Variants in ZNF521 observed in about 807,000 individuals in gnomAD.
ZNF521 encodes LYST-interacting protein 3.
In ZNF521, 14 loss-of-function variants were observed where a neutral mutation model predicts 105.5. The ratio of observed to expected loss-of-function variants is 0.13; its 90% CI spans 0.09 to 0.21. The LOEUF (loss-of-function observed/expected upper bound fraction) is 0.21. Ranked by LOEUF, ZNF521 falls within the 10% of genes least tolerant of loss-of-function variation. The pLI is 1.00. For missense variants in ZNF521, 1,233 were observed against 1,629.7 expected, an observed-to-expected ratio of 0.76 and a Z score of 4.19; for synonymous variants, 635 against 606.0, an observed-to-expected ratio of 1.05 and a Z score of -0.70.
intron 2 of ZNF521, among the ~76,000 whole-genome samples, chr18:25,338,259 T>TGGTGTGTGTGTGTGTGTGTG: frequency 7.3e-6 from 1 of 136,596 alleles, no homozygotes; most frequent in Admixed American, 7.6e-5. Context: ...TCATAGACTT[T>TGGTGTGTGTGTGTGTGTGTG]TGTGTGTGTG....
At chr18:25,232,443 T>C (rs918738265) in intron 3 of ZNF521, among the ~76,000 whole-genome samples, 5 of 152,236 alleles carry the variant, frequency 3.3e-5, no homozygotes, top group Non-Finnish European at 5.9e-5. Flanking sequence ...AGCATAAACA[T>C]ATTTTAATAT....
chr18:25,336,334 TTTTAA>T (rs1392161024), intron 2 of ZNF521, among the ~76,000 whole-genome samples: 2 of 152,158 alleles, frequency 1.3e-5, no homozygotes, highest in Non-Finnish European at 2.9e-5. Flanking sequence ...AGATTTATCT[TTTTAA>T]TTTAAGGATT....
At chr18:25,090,123 G>A (rs1468701819) in intron 6 of ZNF521, among the ~76,000 whole-genome samples, 1 of 152,108 alleles carries the variant, frequency 6.6e-6, no homozygotes. Flanking sequence ...CTGAATGCAA[G>A]GGTTTCAATA....
intron 3 of ZNF521, among the ~76,000 whole-genome samples, chr18:25,247,200 A>T (rs113193480): frequency 1.1e-4 from 16 of 152,344 alleles, no homozygotes; most frequent in African/African-American, 3.8e-4. Context: ...AGAGGCACAC[A>T]TGTAAACATA....
intron 5 of ZNF521, among the ~76,000 whole-genome samples, chr18:25,092,814 C>T (rs1295744139): frequency 6.6e-6 from 1 of 152,096 alleles, no homozygotes; most frequent in East Asian, 1.9e-4. Context: ...ATTTTGATGT[C>T]ATAACATTGC....
chr18:25,130,864 G>C (rs780951302), intron 5 of ZNF521, among the ~76,000 whole-genome samples: 3 of 151,948 alleles, frequency 2.0e-5, no homozygotes, highest in Non-Finnish European at 4.4e-5. Context: ...GATCACTGGA[G>C]CCCAGCAGTT....
chr18:25,212,527 AAAAAAAAAAAAATATATATATAT>A (rs1425252679), intron 4 of ZNF521, among the ~76,000 whole-genome samples: 57 of 117,436 alleles, frequency 4.9e-4, no homozygotes, highest in African/African-American at 2.0e-3. Flanking sequence ...AAAAAAAAAA[AAAAAAAAAAAAATATATATATAT>A]ATATATATAT....
At chr18:25,329,844 C>A (rs1913454716) in intron 2 of ZNF521, among the ~76,000 whole-genome samples, 1 of 152,062 alleles carries the variant, frequency 6.6e-6, no homozygotes, top group Admixed American at 6.5e-5. Flanking sequence ...AGCAAAGAGA[C>A]CAATCCAGAG....
At chr18:25,325,048 C>T (rs933412528) in intron 2 of ZNF521, among the ~76,000 whole-genome samples, 2 of 152,170 alleles carry the variant, frequency 1.3e-5, no homozygotes, top group Non-Finnish European at 2.9e-5. Context: ...AGCCAACTGG[C>T]GAATTTGTTT....
intron 3 of ZNF521, among the ~76,000 whole-genome samples, chr18:25,242,288 G>C (rs931211719): frequency 1.4e-4 from 21 of 152,122 alleles, no homozygotes; most frequent in Non-Finnish European, 2.8e-4. Context: ...CTTTCAACAT[G>C]ATTTTTCTGA....
intron 5 of ZNF521, among the ~76,000 whole-genome samples, chr18:25,161,385 G>A (rs1002603671): frequency 6.6e-6 from 1 of 152,096 alleles, no homozygotes; most frequent in African/African-American, 2.4e-5. Flanking sequence ...GCTGCTGTGG[G>A]GGTCCAGAAA....
chr18:25,323,961 G>A (rs1001307448), intron 2 of ZNF521, among the ~76,000 whole-genome samples: 2 of 151,386 alleles, frequency 1.3e-5, no homozygotes, highest in African/African-American at 2.4e-5. Context: ...CAAAGAGCAC[G>A]TAGTTTTGTT....
At chr18:25,334,084 C>CA (rs1161927673) in intron 2 of ZNF521, among the ~76,000 whole-genome samples, 3 of 152,208 alleles carry the variant, frequency 2.0e-5, no homozygotes, top group Admixed American at 1.3e-4. Context: ...CCCTTGCCAC[C>CA]ACCACTAAAA....
At chr18:25,311,929 A>C (rs565078674) in intron 3 of ZNF521, among the ~76,000 whole-genome samples, 2 of 152,336 alleles carry the variant, frequency 1.3e-5, no homozygotes, top group East Asian at 3.9e-4. Flanking sequence ...GTGATTTATG[A>C]ATACAGTTAA....
rs543969497 is a variant in ZNF521, at chr18:25,170,120, CT to C, written c.3658+25039del. 2.7e-3 allele frequency among the ~76,000 whole-genome samples: 380 copies of C among 141,582 alleles called. 2 individuals carry two copies. Among genetic ancestry groups the C allele is most frequent in the African/African-American group, 4.4e-3 (171 of 38,550 alleles). The allele number at this position is 141,582 out of a possible 152,430, so 92.9% of individuals were successfully genotyped here. ...TTAATAGAAGTAGTTTTCTTTCTTT[CT>C]TTTTTTTTTTTAAGGAAAACTCACT... On this transcript the variant is annotated intron_variant, in intron 5 of 7. Coordinates refer to ENST00000361524, the MANE Select transcript of ZNF521 (RefSeq NM_015461.3).
intron 2 of ZNF521, among the ~76,000 whole-genome samples, chr18:25,326,521 T>C (rs935184651): frequency 4.6e-5 from 7 of 152,228 alleles, no homozygotes; most frequent in Admixed American, 3.9e-4. Flanking sequence ...GTAAGATTAA[T>C]ATGCCGTAGC....
chr18:25,095,620 G>GA (rs1408703926), intron 5 of ZNF521, among the ~76,000 whole-genome samples: 1 of 151,964 alleles, frequency 6.6e-6, no homozygotes, highest in Non-Finnish European at 1.5e-5. Flanking sequence ...AAGAGAGAGG[G>GA]AAAAACCTAC....
At chr18:25,162,257 C>CT (rs2035264691) in intron 5 of ZNF521, among the ~76,000 whole-genome samples, 2 of 152,156 alleles carry the variant, frequency 1.3e-5, no homozygotes, top group African/African-American at 4.8e-5. Flanking sequence ...ATGAGAATAA[C>CT]TATCATTCTA....
chr18:25,212,565 A>ATATATG (rs1227568202), intron 4 of ZNF521, among the ~76,000 whole-genome samples: 47 of 112,860 alleles, frequency 4.2e-4, no homozygotes, highest in African/African-American at 1.1e-3. Flanking sequence ...ATATATATAT[A>ATATATG]TGTATAGAAA....
Sources: gnomAD v4.1 joint callset for allele counts (sites outside exome capture counted in the v4.1 genomes callset) on GRCh38, gnomAD v4.1.1 for gene constraint, MANE v1.5 for transcripts, NCBI Gene and HGNC (gene_info 2026-07-23, HGNC 2026-07-21) for gene names.